The following CCDC7 variants were observed in gnomAD, a reference collection of about 807,000 sequenced individuals.
CCDC7 encodes coiled-coil domain-containing protein 7.
In CCDC7, 183 loss-of-function variants were observed where a neutral mutation model predicts 196.9. The ratio of observed to expected loss-of-function variants is 0.93; its 90% CI spans 0.82 to 1.05. The LOEUF (loss-of-function observed/expected upper bound fraction) is 1.05, where lower values mean the gene tolerates loss of function less well. Ranked by LOEUF, CCDC7 falls within the 50% of genes least tolerant of loss-of-function variation. CCDC7 has a pLI of 0.00. For synonymous variants in CCDC7, 525 were observed against 484.6 expected (o/e 1.08, Z -1.10); for missense variants, 1,540 against 1,482.2 (o/e 1.04, Z -0.64).
intron 16 of CCDC7, among the ~76,000 whole-genome samples, chr10:32,580,057 C>T (rs1261598269): frequency 6.6e-6 from 1 of 152,012 alleles, no homozygotes; most frequent in Admixed American, 6.6e-5. Context: ...TGCCAAGCTA[C>T]CAAGTAGGGA....
At chr10:32,672,639 G>A (rs1310356013) in intron 21 of CCDC7, among the ~76,000 whole-genome samples, 5 of 152,286 alleles carry the variant, frequency 3.3e-5, no homozygotes, top group East Asian at 3.9e-4. Context: ...GAAAGAAATG[G>A]CAGTGTCCTG....
exon 9 of CCDC7, chr10:32,491,972 G>C (rs2042220799): frequency 6.3e-7 from 1 of 1,579,014 alleles, no homozygotes; most frequent in African/African-American, 1.4e-5. Flanking sequence ...GAAAGTATTT[G>C]AAAACCAGGC....
intron 28 of CCDC7, among the ~76,000 whole-genome samples, chr10:32,766,759 A>G (rs896484084): frequency 1.3e-5 from 2 of 152,000 alleles, no homozygotes; most frequent in African/African-American, 4.8e-5. Flanking sequence ...TACATGAGAC[A>G]GTGCTCAGGC....
At chr10:32,644,225 G>A (rs569940887) in intron 20 of CCDC7, among the ~76,000 whole-genome samples, 3 of 152,132 alleles carry the variant, frequency 2.0e-5, no homozygotes, top group African/African-American at 7.2e-5. Flanking sequence ...TTCTTGTCTA[G>A]CTATCTTGAA....
At position 32,463,004 on chromosome 10, in the gene CCDC7, T is replaced by C; in HGVS notation, c.478-13T>C. ...ACTATTTCTTTTTTTGTCCCTCTTT[T>C]GTTTTCTTAAAGTGGTTTCAGTGGC... On this transcript the variant is annotated splice_polypyrimidine_tract_variant and intron_variant, in intron 4 of 41. Transcript: ENST00000639629. 6.2e-7 allele frequency: 1 copy of C among 1,613,480 alleles called. No homozygotes were observed. The highest frequency in any genetic ancestry group is 8.5e-7 in the Non-Finnish European group (1 of 1,179,698).
At chr10:32,780,863 A>G (rs1255943098) in intron 29 of CCDC7, among the ~76,000 whole-genome samples, 1 of 152,184 alleles carries the variant, frequency 6.6e-6, no homozygotes, top group African/African-American at 2.4e-5. Flanking sequence ...TTAAAAAATG[A>G]TCAACTACAT....
chr10:32,583,246 A>T (rs1342815217), exon 17 of CCDC7: 2 of 1,231,348 alleles, frequency 1.6e-6, no homozygotes, highest in Non-Finnish European at 2.0e-6. Context: ...ACATTGGCTC[A>T]AAAAAACGAA....
chr10:32,669,647 G>A (rs938361009), intron 21 of CCDC7, among the ~76,000 whole-genome samples: 1 of 151,968 alleles, frequency 6.6e-6, no homozygotes, highest in African/African-American at 2.4e-5. Flanking sequence ...TTTCTTCACG[G>A]TTATTGAAAT....
intron 18 of CCDC7, among the ~76,000 whole-genome samples, chr10:32,594,874 C>T (rs1406807150): frequency 6.6e-6 from 1 of 152,158 alleles, no homozygotes; most frequent in Non-Finnish European, 1.5e-5. Flanking sequence ...GTATGTTGAA[C>T]CAGCCTTGCA....
intron 18 of CCDC7, among the ~76,000 whole-genome samples, chr10:32,608,674 G>C (rs528660527): frequency 6.6e-6 from 1 of 152,080 alleles, no homozygotes; most frequent in Non-Finnish European, 1.5e-5. Context: ...CTGAATAGCC[G>C]GGACTACAGG....
exon 23 of CCDC7, chr10:32,689,123 A>G: frequency 6.2e-7 from 1 of 1,606,156 alleles, no homozygotes; most frequent in Non-Finnish European, 8.5e-7. Context: ...CAGAAATGCA[A>G]GTGAAGGAAC....
At chr10:32,722,805 A>AT (rs2082597520) in intron 25 of CCDC7, among the ~76,000 whole-genome samples, 1 of 151,986 alleles carries the variant, frequency 6.6e-6, no homozygotes, top group Non-Finnish European at 1.5e-5. Flanking sequence ...CTCCCATCAT[A>AT]GTGTTAGGGA....
At chr10:32,468,048 G>A (rs1321249704) in intron 5 of CCDC7, among the ~76,000 whole-genome samples, 1 of 152,070 alleles carries the variant, frequency 6.6e-6, no homozygotes, top group Non-Finnish European at 1.5e-5. Context: ...TTTTTGCTTT[G>A]GATTGCTTTG....
intron 18 of CCDC7, among the ~76,000 whole-genome samples, chr10:32,589,818 T>C (rs375075400): frequency 3.3e-5 from 5 of 152,164 alleles, no homozygotes. Flanking sequence ...TCTTTGTCTC[T>C]TCTTATAGTT....
chr10:32,522,146 A>G (rs1192213935), intron 11 of CCDC7, among the ~76,000 whole-genome samples: 1 of 152,154 alleles, frequency 6.6e-6, no homozygotes, highest in Non-Finnish European at 1.5e-5. Flanking sequence ...CTTTCTTTTG[A>G]AGAGCTTTTG....
intron 29 of CCDC7, among the ~76,000 whole-genome samples, chr10:32,794,244 A>G (rs1396347570): frequency 1.3e-5 from 2 of 152,174 alleles, no homozygotes; most frequent in African/African-American, 4.8e-5. Flanking sequence ...GTTGCTGCAA[A>G]GGACATGATT....
intron 8 of CCDC7, among the ~76,000 whole-genome samples, chr10:32,484,519 A>G (rs2040613243): frequency 6.6e-6 from 1 of 152,174 alleles, no homozygotes; most frequent in Admixed American, 6.5e-5. Context: ...CGTGGCCAGA[A>G]CTTCCAATAC....
At chr10:32,685,487 T>G (rs2141129304) in intron 21 of CCDC7, among the ~76,000 whole-genome samples, 1 of 152,308 alleles carries the variant, frequency 6.6e-6, no homozygotes, top group African/African-American at 2.4e-5. Context: ...GAAAGGGGCT[T>G]TACTGGCTCA....
At chr10:32,694,768 CA>C (rs2077496501) in intron 23 of CCDC7, 110 bp from the exon 25 acceptor site, 1 of 552,130 alleles carries the variant, frequency 1.8e-6, no homozygotes, top group Non-Finnish European at 3.1e-6. Flanking sequence ...AATTTACTTA[CA>C]AATTTATCAA....
Sources: gnomAD v4.1 joint callset for allele counts (sites outside exome capture counted in the v4.1 genomes callset) on GRCh38, gnomAD v4.1.1 for gene constraint, MANE v1.5 for transcripts, NCBI Gene and HGNC (gene_info 2026-07-23, HGNC 2026-07-21) for gene names.